The following GAK variants were observed in gnomAD, a reference collection of about 807,000 sequenced individuals.
GAK encodes cyclin-G-associated kinase.
In GAK, 79 loss-of-function variants were observed where a neutral mutation model predicts 143.9. The observed-to-expected ratio is 0.55, with a 90% CI of 0.46 to 0.66. The LOEUF (loss-of-function observed/expected upper bound fraction) is 0.66, where lower values mean the gene tolerates loss of function less well. Among genes scored for constraint, GAK ranks in the 30% least tolerant of loss-of-function variants. The probability of loss-of-function intolerance (pLI) is 0.00; values close to 1 mark genes in which losing one functional copy is unlikely to be tolerated. For missense variants in GAK, 1,693 were observed against 1,779.7 expected, an observed-to-expected ratio of 0.95 and a Z score of 0.88; for synonymous variants, 881 against 765.5, an observed-to-expected ratio of 1.15 and a Z score of -2.49.
chr4:899,134 A>C (rs1719370462), intron 5 of GAK, among the ~76,000 whole-genome samples: 1 of 152,192 alleles, frequency 6.6e-6, no homozygotes, highest in Non-Finnish European at 1.5e-5. Flanking sequence ...AGCACCAGGC[A>C]TCCATGTGGA....
chr4:849,691 G>A lies in GAK; in HGVS notation c.3918C>T (p.Gly1306=), dbSNP rs372672255. Residue 1306 remains glycine (G), a synonymous_variant, in exon 28 of 28, where the codon GGC becomes GGT. Coordinates refer to ENST00000314167, the MANE Select transcript of GAK (RefSeq NM_005255.4). The part of the protein sequence containing the change: ...NDAWSEFENQ[G]SRPLF ...TGCGGCCTCAGAAGAGGGGCCGGGAGCCCTGGTTCTCAAACTCCGACCAGG... is the reference window on the plus strand; with the variant it reads ...TGCGGCCTCAGAAGAGGGGCCGGGAACCCTGGTTCTCAAACTCCGACCAGG... The A allele has an allele frequency of 7.4e-5, 120 of 1,612,612 alleles. 1 individual carries two copies. The highest frequency in any genetic ancestry group is 1.2e-4 in the Admixed American group (7 of 59,894).
intron 1 of GAK, among the ~76,000 whole-genome samples, chr4:916,589 T>C (rs540944803): frequency 8.5e-5 from 13 of 152,318 alleles, no homozygotes; most frequent in African/African-American, 2.9e-4. Context: ...TTGTGACAAG[T>C]ACACAACGTG....
rs59346217 is a variant in GAK, at chr4:903,708, T to TG, written c.525+928dup. On this transcript the variant is annotated intron_variant, in intron 5 of 27. Transcript: ENST00000314167. The stretch of plus-strand genomic sequence containing the variant: ...CTATAGTGACACCACCGGGGGGCGG[T>TG]GGGGGGGCGGCCGAGGAAGGAGTGT... Among the ~76,000 whole-genome samples, 124 of 63,706 alleles carry TG rather than the reference T, an allele frequency of 1.9e-3. 1 individual carries two copies. The highest frequency in any genetic ancestry group is 0.012 in the East Asian group (22 of 1,912). The allele number at this position is 63,706 out of a possible 152,430, so 41.8% of individuals were successfully genotyped here.
Position 866,391 on chromosome 4 carries a change from A to G in GAK, c.3016T>C (p.Ser1006Pro). The G allele has an allele frequency of 6.2e-7, 1 of 1,614,032 alleles. No homozygotes were observed. The highest frequency in any genetic ancestry group is 8.5e-7 in the Non-Finnish European group (1 of 1,179,954). ...FPSAHSAPPP[S>P]CSADFLHLGD... ...AGGTGCAGGAAGTCGGCGCTGCAGGATGGGGGCGGAGCACTGTGGGCAGAC... is the reference window on the plus strand; with the variant it reads ...AGGTGCAGGAAGTCGGCGCTGCAGGGTGGGGGCGGAGCACTGTGGGCAGAC... The change falls in exon 22 of 28, where the codon TCC (serine) becomes CCC (proline). Residue 1006 changes from serine to proline, a missense_variant. Coordinates refer to ENST00000314167, the MANE Select transcript of GAK (RefSeq NM_005255.4).
chr4:873,139 C>A (rs1713070543), intron 18 of GAK, among the ~76,000 whole-genome samples: 1 of 152,232 alleles, frequency 6.6e-6, no homozygotes, highest in African/African-American at 2.4e-5. Context: ...AGCCACTGTG[C>A]GCAACCAACC....
At chr4:930,927 C>T (rs1452878478) in intron 1 of GAK, among the ~76,000 whole-genome samples, 1 of 152,222 alleles carries the variant, frequency 6.6e-6, no homozygotes. Flanking sequence ...GACAGGCTAA[C>T]CCTCCAGCCC....
At position 893,822 on chromosome 4, in the gene GAK, G is replaced by A. The variant is rs945050306; in HGVS notation, c.877+52C>T. On this transcript the variant is annotated intron_variant, in intron 8 of 27. Transcript: ENST00000314167. ...GGGAGCGGGGTCTCCAGAGCCACGC[G>A]GGGTCTGTGCTCCAGGGTCCTGCCC... 8.5e-5 allele frequency: 128 copies of A among 1,513,768 alleles called. 1 individual carries two copies. The highest frequency in any genetic ancestry group is 6.2e-5 in the Admixed American group (3 of 48,522). 93.8% of individuals were successfully genotyped at this position (1,513,768 alleles called of 1,614,324 possible). A position where few individuals can be genotyped will look rare whatever the true frequency, so the allele number is the denominator to read the frequency against.
chr4:855,262 G>T (rs1376431799), intron 24 of GAK, among the ~76,000 whole-genome samples: 1 of 151,952 alleles, frequency 6.6e-6, no homozygotes, highest in Non-Finnish European at 1.5e-5. Flanking sequence ...CTTTCGCCAC[G>T]GTTGGTTTTG....
At position 870,996 on chromosome 4, in the gene GAK, T is replaced by C. The variant is rs557030750; in HGVS notation, c.2055-92A>G. 2.1e-5 allele frequency: 25 copies of C among 1,178,080 alleles called. No individual in the cohort carries two copies. In the African/African-American group the frequency reaches 3.9e-4, roughly 18 times the overall value. The allele number at this position is 1,178,080 out of a possible 1,614,324, so 73.0% of individuals were successfully genotyped here. ...CTAAAGAAACGTGCATGGAAACAGG[T>C]GGCAGCTGCAGGCAGCGGGGCGAGA... On this transcript the variant is annotated intron_variant, in intron 18 of 27. Coordinates refer to ENST00000314167, the MANE Select transcript of GAK (RefSeq NM_005255.4).
intron 4 of GAK, among the ~76,000 whole-genome samples, chr4:907,091 G>A (rs1010716843): frequency 4.6e-5 from 7 of 152,230 alleles, no homozygotes; most frequent in Non-Finnish European, 8.8e-5. Context: ...ACAGCAGAGC[G>A]TGTAGCCGAC....
chr4:855,328 AT>A (rs1337414318), intron 24 of GAK, among the ~76,000 whole-genome samples: 1 of 149,578 alleles, frequency 6.7e-6, no homozygotes, highest in Non-Finnish European at 1.5e-5. Context: ...CTAAATGTTT[AT>A]TTTTTCTAAA....
chr4:921,966 G>A (rs1270422500), intron 1 of GAK, among the ~76,000 whole-genome samples: 4 of 152,104 alleles, frequency 2.6e-5, no homozygotes, highest in South Asian at 2.1e-4. Context: ...AGGAGGTATC[G>A]CTACACATGT....
At chr4:884,955 T>C (rs985154134) in intron 11 of GAK, among the ~76,000 whole-genome samples, 5 of 151,896 alleles carry the variant, frequency 3.3e-5, no homozygotes, top group Non-Finnish European at 5.9e-5. Flanking sequence ...AAAGTGACCA[T>C]GCGTTCAAAC....
At chr4:907,283 C>T (rs1311961999) in intron 4 of GAK, among the ~76,000 whole-genome samples, 1 of 152,244 alleles carries the variant, frequency 6.6e-6, no homozygotes, top group Non-Finnish European at 1.5e-5. Flanking sequence ...TCTGCCGGCC[C>T]TGGCCCTCAA....
intron 19 of GAK, 155 bp from the exon 20 acceptor site, chr4:868,840 C>T: frequency 1.4e-6 from 1 of 718,538 alleles, no homozygotes; most frequent in Non-Finnish European, 2.3e-6. Context: ...GGGAGGGGCT[C>T]TCTGAACAGA....
intron 11 of GAK, among the ~76,000 whole-genome samples, chr4:884,587 T>C (rs1323013702): frequency 6.6e-6 from 1 of 152,226 alleles, no homozygotes; most frequent in Admixed American, 6.5e-5. Context: ...TAGAAGCCCC[T>C]GCTGTGGCCA....
intron 12 of GAK, 135 bp downstream of exon 12, chr4:883,902 C>T (rs1715689107): frequency 2.3e-6 from 2 of 870,954 alleles, no homozygotes; most frequent in Admixed American, 2.7e-5. Context: ...CAAGGGGCCC[C>T]AGGTCACCCC....
chr4:916,956 GA>G (rs1036799369), intron 1 of GAK, among the ~76,000 whole-genome samples: 14 of 152,202 alleles, frequency 9.2e-5, no homozygotes, highest in African/African-American at 3.4e-4. Flanking sequence ...ACAGGTGAAT[GA>G]ACAAATTACC....
chr4:893,228 G>T, intron 9 of GAK, 149 bp downstream of exon 9: 1 of 528,828 alleles, frequency 1.9e-6, no homozygotes, highest in Non-Finnish European at 3.3e-6. Context: ...CTCTGTGATA[G>T]GAGACTTAGG....
Sources: allele counts gnomAD v4.1 joint callset (sites outside exome capture counted in the v4.1 genomes callset), GRCh38; gene constraint gnomAD v4.1.1; transcripts MANE v1.5; gene names NCBI Gene and HGNC (gene_info 2026-07-23, HGNC 2026-07-21).